MYO5B: variants seen among roughly 807,000 people sequenced by gnomAD.
MYO5B encodes myosin VB, also known as unconventional myosin-Vb.
A neutral mutation model predicts 229.3 loss-of-function variants in MYO5B; 143 were observed. The ratio of observed to expected loss-of-function variants is 0.62; its 90% CI spans 0.54 to 0.72. The LOEUF is 0.72. MYO5B is among the 30% of genes least tolerant of loss of function. MYO5B has a pLI of 0.00. For missense variants in MYO5B, 2,321 were observed against 2,331.0 expected (o/e 1.00, Z 0.09); for synonymous variants, 918 against 885.2 (o/e 1.04, Z -0.66).
chr18:49,828,035 C>T (rs752594498), intron 39 of MYO5B, among the ~76,000 whole-genome samples: 14 of 152,148 alleles, frequency 9.2e-5, no homozygotes, highest in Non-Finnish European at 2.1e-4. Flanking sequence ...CTGCTGTCGG[C>T]CCTGTAGAAC....
chr18:49,881,760 G>A (rs942360648), intron 22 of MYO5B, among the ~76,000 whole-genome samples: 5 of 149,504 alleles, frequency 3.3e-5, no homozygotes, highest in African/African-American at 1.2e-4. Context: ...CCGAGATCGC[G>A]CCACTGTACT....
intron 1 of MYO5B, among the ~76,000 whole-genome samples, chr18:50,184,909 T>A (rs1241470452): frequency 4.6e-5 from 7 of 150,654 alleles, no homozygotes; most frequent in African/African-American, 1.7e-4. Context: ...AAAATATATA[T>A]ATATATATTA....
chr18:50,093,847 G>A (rs1027759881), intron 1 of MYO5B, among the ~76,000 whole-genome samples: 3 of 152,084 alleles, frequency 2.0e-5, no homozygotes, highest in Non-Finnish European at 4.4e-5. Context: ...CAACTTCAGG[G>A]AGTTACCCTA....
rs183290435 is a variant in MYO5B at position 49,943,293 on chromosome 18, C to T, written c.1753-5896G>A. Among the ~76,000 whole-genome samples, 158 of 151,718 alleles carry T rather than the reference C, an allele frequency of 1.0e-3. 1 individual carries two copies. Among genetic ancestry groups the T allele is most frequent in the African/African-American group, 3.3e-3 (135 of 41,352 alleles). ...ATGACGAGTTACTGGGTGCAGCACA[C>T]CAACATGACACATGTATACATATGT... is the stretch of plus-strand genomic sequence containing the variant. On this transcript the variant is annotated intron_variant, in intron 14 of 39. Transcript: ENST00000285039.
intron 4 of MYO5B, among the ~76,000 whole-genome samples, chr18:50,018,352 T>C (rs1402479639): frequency 2.6e-5 from 4 of 151,958 alleles, no homozygotes; most frequent in Non-Finnish European, 5.9e-5. Flanking sequence ...CATTTGCATG[T>C]ATATTTTCTG....
intron 1 of MYO5B, among the ~76,000 whole-genome samples, chr18:50,162,114 A>G (rs374840270): frequency 2.6e-5 from 4 of 152,266 alleles, no homozygotes; most frequent in Non-Finnish European, 5.9e-5. Context: ...AGGTCACTAC[A>G]TTCTCCAATT....
rs568930423 is a variant in MYO5B at position 50,173,209 on chromosome 18, G to A, written c.27+21558C>T. 5.3e-5 allele frequency among the ~76,000 whole-genome samples: 8 copies of A among 151,648 alleles called. No homozygotes were observed. In the East Asian group the frequency reaches 1.4e-3, roughly 26 times the overall value. ...GAACCTGGGAGGTGGAGGTTGCAGT[G>A]AGCCAAGATCACACCACTGCACTCC... On this transcript the variant is annotated intron_variant, in intron 1 of 39. Coordinates refer to ENST00000285039, the MANE Select transcript of MYO5B (RefSeq NM_001080467.3).
rs4939907 is a variant in MYO5B, at chr18:49,877,639, A to T, written c.3396+124T>A. ...AGTCCAAGTGATCCTGCTCTTGAGA[A>T]TTAGCCCCTGGGCACTCTGGTCACC... On this transcript the variant is annotated intron_variant, in intron 25 of 39. Transcript: ENST00000285039. 291,657 of 1,322,704 alleles carry T rather than the reference A, an allele frequency of 0.22. 34,374 individuals are homozygous for T. Among genetic ancestry groups the T allele is most frequent in the East Asian group, 0.38 (15,784 of 41,060 alleles). 81.9% of individuals were successfully genotyped at this position (1,322,704 alleles called of 1,614,324 possible).
At chr18:49,923,981 A>G (rs1259165739) in intron 17 of MYO5B, among the ~76,000 whole-genome samples, 1 of 152,170 alleles carries the variant, frequency 6.6e-6, no homozygotes, top group Non-Finnish European at 1.5e-5. Context: ...TGTACAGCAC[A>G]GGATGGTTGT....
chr18:50,158,748 A>G (rs1485612462), intron 1 of MYO5B, among the ~76,000 whole-genome samples: 1 of 152,152 alleles, frequency 6.6e-6, no homozygotes, highest in African/African-American at 2.4e-5. Context: ...CTGGCTCCCA[A>G]TCCAGAACAT....
chr18:50,001,759 G>T (rs72912001), intron 4 of MYO5B, among the ~76,000 whole-genome samples: 9,438 of 151,616 alleles, frequency 0.062, 358 homozygotes, highest in Middle Eastern at 0.12. Flanking sequence ...CAGACCAGGC[G>T]TGGTGGCTCA....
chr18:49,841,534 T>C (rs2024057738), intron 34 of MYO5B, 80 bp from the exon 35 acceptor site: 2 of 1,284,782 alleles, frequency 1.6e-6, no homozygotes, highest in South Asian at 2.4e-5. Flanking sequence ...TTTCCCCACA[T>C]TTCCTACCCT....
intron 17 of MYO5B, among the ~76,000 whole-genome samples, chr18:49,915,934 G>C (rs192055522): frequency 5.9e-5 from 9 of 152,158 alleles, no homozygotes; most frequent in Non-Finnish European, 1.2e-4. Flanking sequence ...AGAATCAGGT[G>C]GAAGAAACCA....
intron 4 of MYO5B, among the ~76,000 whole-genome samples, chr18:50,035,034 T>A (rs939888394): frequency 5.3e-5 from 8 of 152,300 alleles, no homozygotes; most frequent in Non-Finnish European, 1.0e-4. Flanking sequence ...CCACACGTCC[T>A]CTTCCCCATA....
At chr18:49,932,379 T>A (rs968278385) in intron 16 of MYO5B, among the ~76,000 whole-genome samples, 1 of 152,220 alleles carries the variant, frequency 6.6e-6, no homozygotes, top group Non-Finnish European at 1.5e-5. Flanking sequence ...AGAAGGCACC[T>A]GGCACAGAGT....
At position 49,877,888 on chromosome 18, in the gene MYO5B, C is replaced by T. The variant is rs377207624; in HGVS notation, c.3277-6G>A. On this transcript the variant is annotated splice_region_variant and splice_polypyrimidine_tract_variant and intron_variant, in intron 24 of 39. Transcript: ENST00000285039. ...CGCCTATGACCTGGAGTTTGCTGTT[C>T]AACAAGAAAAACGTGATAGCTCATT... is the stretch of plus-strand genomic sequence containing the variant. 6.2e-5 allele frequency: 100 copies of T among 1,613,980 alleles called. No homozygotes were observed. The African/African-American group carries it at 1.3e-3, about 20-fold the overall frequency.
intron 1 of MYO5B, among the ~76,000 whole-genome samples, chr18:50,086,468 T>C (rs1403610479): frequency 1.3e-5 from 2 of 152,240 alleles, no homozygotes; most frequent in Admixed American, 6.5e-5. Context: ...CTCATTTCAG[T>C]ATTCCATTGT....
chr18:50,008,634 G>C (rs2026128981), intron 4 of MYO5B, among the ~76,000 whole-genome samples: 1 of 152,096 alleles, frequency 6.6e-6, no homozygotes, highest in South Asian at 2.1e-4. Flanking sequence ...GAAGAGGTGG[G>C]AACAACACTC....
chr18:49,968,171 T>C (rs2025647962), intron 10 of MYO5B, among the ~76,000 whole-genome samples: 2 of 152,138 alleles, frequency 1.3e-5, no homozygotes, highest in South Asian at 2.1e-4. Context: ...ATAGAAATTG[T>C]ATGTGTTGTA....
Sources: gnomAD v4.1 joint callset for allele counts (sites outside exome capture counted in the v4.1 genomes callset) on GRCh38, gnomAD v4.1.1 for gene constraint, MANE v1.5 for transcripts, NCBI Gene and HGNC (gene_info 2026-07-23, HGNC 2026-07-21) for gene names.